The following MGA variants were observed in gnomAD, a reference collection of about 807,000 sequenced individuals.
MGA encodes MAX gene-associated protein.
MGA carries 40 observed loss-of-function variants against 261.1 expected under a neutral mutation model. The observed-to-expected ratio is 0.15, with a 90% confidence interval of 0.12 to 0.20. The LOEUF (loss-of-function observed/expected upper bound fraction) is 0.20, where lower values mean the gene tolerates loss of function less well. MGA is among the 10% of genes least tolerant of loss of function. The pLI is 1.00. For synonymous variants in MGA, 1,302 were observed against 1,290.6 expected, an observed-to-expected ratio of 1.01 and a Z score of -0.19; for missense variants, 3,397 against 3,630.5, an observed-to-expected ratio of 0.94 and a Z score of 1.65.
At chr15:41,758,764 T>C (rs8023697) in intron 19 of MGA, among the ~76,000 whole-genome samples, 4,978 of 152,226 alleles carry the variant, frequency 0.033, 137 homozygotes, top group South Asian at 0.07. Flanking sequence ...AGAAAGGCAG[T>C]GGCTTTTACA....
chr15:41,713,443 G>GGGA lies in MGA; in HGVS notation c.3387_3389dup (p.Glu1130dup), dbSNP rs1212043644. On this transcript the variant is annotated inframe_insertion, in exon 9 of 24. Transcript: ENST00000219905. The stretch of plus-strand genomic sequence containing the variant: ...GCAAGGGAGGAGGAAGAAGGAATCA[G>GGGA]GGAGGAGGAGGAACAATTGAAAGAG... The GGGA allele has an allele frequency of 6.4e-7, 1 of 1,562,926 alleles. No homozygotes were observed. Among genetic ancestry groups the GGGA allele is most frequent in the African/African-American group, 1.4e-5 (1 of 73,712 alleles).
At chr15:41,676,041 C>T (rs1380087347) in intron 2 of MGA, among the ~76,000 whole-genome samples, 3 of 152,196 alleles carry the variant, frequency 2.0e-5, no homozygotes, top group Non-Finnish European at 4.4e-5. Context: ...ACATAGTTTT[C>T]AGATGTTTTT....
At position 41,742,756 on chromosome 15, in the gene MGA, C is replaced by T. The variant is rs377760732; in HGVS notation, c.4796C>T (p.Thr1599Ile). The change falls in exon 15 of 24, where the codon ACT becomes ATT. Residue 1599 changes from threonine (T) to isoleucine (I), a missense_variant. By Grantham distance (89) the Thr-to-Ile change is moderately conservative. Coordinates refer to ENST00000219905, the MANE Select transcript of MGA (RefSeq NM_001164273.2). ...AGCCCTGTGACTGCTGCTGTCACTA[C>T]TACCACCCCTCAAGTGTTTTTAGAA... The T allele has an allele frequency of 4.3e-5, 70 of 1,613,878 alleles. No individual in the cohort carries two copies. The Middle Eastern group carries it at 4.9e-4, about 11-fold the overall frequency.
intron 20 of MGA, among the ~76,000 whole-genome samples, chr15:41,760,735 AT>A (rs68054586): frequency 0.75 from 111,883 of 148,266 alleles, 43,180 homozygotes; most frequent in East Asian, 0.88. Flanking sequence ...TGAAAGTCAG[AT>A]TTTTTTTTTT....
At chr15:41,711,841 A>T (rs950340152) in intron 8 of MGA, among the ~76,000 whole-genome samples, 1 of 152,006 alleles carries the variant, frequency 6.6e-6, no homozygotes, top group Non-Finnish European at 1.5e-5. Context: ...GACTATAGGC[A>T]CATACCACTG....
At chr15:41,729,842 T>A (rs941976198) in intron 11 of MGA, among the ~76,000 whole-genome samples, 1 of 151,898 alleles carries the variant, frequency 6.6e-6, no homozygotes, top group African/African-American at 2.4e-5. Flanking sequence ...TTCAAAAAAA[T>A]ATGTATATTA....
intron 15 of MGA, among the ~76,000 whole-genome samples, chr15:41,744,200 G>GTA (rs1362659845): frequency 3.4e-4 from 51 of 151,380 alleles, no homozygotes; most frequent in African/African-American, 1.0e-3. Context: ...GTGTGTGTGT[G>GTA]TATATATATA....
chr15:41,705,989 A>G (rs918558753), intron 5 of MGA, among the ~76,000 whole-genome samples: 5 of 152,210 alleles, frequency 3.3e-5, no homozygotes, highest in African/African-American at 1.2e-4. Context: ...CTGTAATCCC[A>G]GCACTTTGGG....
At chr15:41,731,702 T>C (rs1487731222) in intron 11 of MGA, among the ~76,000 whole-genome samples, 1 of 152,222 alleles carries the variant, frequency 6.6e-6, no homozygotes, top group African/African-American at 2.4e-5. Context: ...AGTAAAGTTA[T>C]TCATAGCATA....
chr15:41,749,827 C>A lies in MGA; in HGVS notation c.6220C>A (p.Arg2074Ser). 1 of 1,613,808 alleles carries A rather than the reference C, an allele frequency of 6.2e-7. No individual in the cohort carries two copies. Among genetic ancestry groups the A allele is most frequent in the South Asian group, 1.1e-5 (1 of 91,066 alleles). Residue 2074 changes from arginine to serine, a missense_variant, in exon 17 of 24, where the codon CGT becomes AGT. By Grantham distance (110) the Arg-to-Ser change is moderately radical. This residue lies in a region of MGA where 1,410 missense variants were observed against 1,386.4 expected (regional missense o/e 1.02). Coordinates refer to ENST00000219905, the MANE Select transcript of MGA (RefSeq NM_001164273.2). ...TAATGAAGAATATGGGGCTAGGAAT[C>A]GTAAGAGTTCCAAAGAAAAAGTGGC...
At position 41,737,324 on chromosome 15, in the gene MGA, G is replaced by GT. The variant is rs893262901; in HGVS notation, c.4434+636dup. On this transcript the variant is annotated intron_variant, in intron 13 of 23. Transcript: ENST00000219905. The stretch of plus-strand genomic sequence containing the variant: ...TTTGTGTGTGTTTTTTTTTGTTTTT[G>GT]TTTTTTTTTTAGTAGAGACGGGGTT... Among the ~76,000 whole-genome samples the GT allele has an allele frequency of 1.5e-3, 218 of 144,936 alleles. 1 individual carries two copies. Among genetic ancestry groups the GT allele is most frequent in the African/African-American group, 4.3e-3 (170 of 39,754 alleles).
chr15:41,766,608 T>A lies in MGA; in HGVS notation c.8526T>A (p.Val2842=). 2 of 1,614,040 alleles carry A rather than the reference T, an allele frequency of 1.2e-6. No individual in the cohort carries two copies. The highest frequency in any genetic ancestry group is 1.7e-6 in the Non-Finnish European group (2 of 1,179,896). ...ATCAACAACTAAATGATGACTCTGT[T>A]GGCCTGGCTGAACTACCCAGCTCTA... The change falls in exon 24 of 24, where the codon GTT becomes GTA. Residue 2842 remains valine, a synonymous_variant. Coordinates refer to ENST00000219905, the MANE Select transcript of MGA (RefSeq NM_001164273.2).
intron 1 of MGA, among the ~76,000 whole-genome samples, chr15:41,635,520 C>G (rs2056682958): frequency 6.6e-6 from 1 of 151,758 alleles, no homozygotes; most frequent in Admixed American, 6.6e-5. Flanking sequence ...GTGAGACCCC[C>G]CCCCTCCTAT....
At chr15:41,730,720 A>G (rs1409657979) in intron 11 of MGA, among the ~76,000 whole-genome samples, 1 of 152,164 alleles carries the variant, frequency 6.6e-6, no homozygotes, top group Non-Finnish European at 1.5e-5. Context: ...ATTCTAAAAC[A>G]CTTCCTCTTT....
intron 10 of MGA, among the ~76,000 whole-genome samples, chr15:41,728,598 G>A (rs989254162): frequency 5.9e-5 from 9 of 152,130 alleles, no homozygotes; most frequent in African/African-American, 2.2e-4. Flanking sequence ...CTATTCATTA[G>A]TGGATCATCA....
At chr15:41,753,930 T>C (rs2062994307) in intron 17 of MGA, among the ~76,000 whole-genome samples, 1 of 152,190 alleles carries the variant, frequency 6.6e-6, no homozygotes, top group Non-Finnish European at 1.5e-5. Flanking sequence ...TTTTATTTAA[T>C]TTGTTTTGAG....
At chr15:41,678,540 C>T (rs961312662) in intron 2 of MGA, among the ~76,000 whole-genome samples, 13 of 150,044 alleles carry the variant, frequency 8.7e-5, no homozygotes, top group Non-Finnish European at 1.2e-4. Flanking sequence ...CTGAGGCGGG[C>T]GGATCACGAG....
intron 18 of MGA, among the ~76,000 whole-genome samples, chr15:41,756,399 TGGA>T (rs1462931671): frequency 6.6e-6 from 1 of 152,070 alleles, no homozygotes; most frequent in African/African-American, 2.4e-5. Context: ...ACTTCAAAAG[TGGA>T]GATTTCTGGT....
At position 41,713,313 on chromosome 15, in the gene MGA, T is replaced by C; in HGVS notation, c.3247T>C (p.Leu1083=). The C allele has an allele frequency of 6.2e-7, 1 of 1,613,924 alleles. No individual in the cohort carries two copies. Among genetic ancestry groups the C allele is most frequent in the Non-Finnish European group, 8.5e-7 (1 of 1,179,882 alleles). The change falls in exon 9 of 24, where the codon TTG becomes CTG. Residue 1083 remains leucine (L), a synonymous_variant. Transcript: ENST00000219905. ...AGACTGCATGTTTGGTTGTACTTGT[T>C]TGAAAAGAAAAGTTGTACTTGTTAA... is the stretch of plus-strand genomic sequence containing the variant.
Sources: allele counts gnomAD v4.1 joint callset (sites outside exome capture counted in the v4.1 genomes callset), GRCh38; gene constraint gnomAD v4.1.1; regional missense constraint gnomAD v4.1.1; transcripts MANE v1.5; gene names NCBI Gene and HGNC (gene_info 2026-07-23, HGNC 2026-07-21).